Variants in PISD observed in about 807,000 individuals in gnomAD.
PISD encodes phosphatidylserine decarboxylase, also known as phosphatidylserine decarboxylase proenzyme, mitochondrial.
PISD carries 31 observed loss-of-function variants against 43.5 expected under a neutral mutation model. The observed-to-expected ratio is 0.71, with a 90% CI of 0.54 to 0.96. The LOEUF (loss-of-function observed/expected upper bound fraction) is 0.96, where lower values mean the gene tolerates loss of function less well. PISD is among the 40% of genes least tolerant of loss of function. The pLI is 0.00. For synonymous variants in PISD, 259 were observed against 228.7 expected (o/e 1.13, Z -1.20); for missense variants, 523 against 548.4 (o/e 0.95, Z 0.46).
chr22:31,650,495 T>C (rs1453089930), intron 2 of PISD, among the ~76,000 whole-genome samples: 1 of 149,598 alleles, frequency 6.7e-6, no homozygotes, highest in Non-Finnish European at 1.5e-5. Flanking sequence ...CATCATTGCA[T>C]TCCAGCCTGG....
intron 1 of PISD, among the ~76,000 whole-genome samples, chr22:31,653,538 C>G (rs1011132487): frequency 6.6e-6 from 1 of 152,216 alleles, no homozygotes; most frequent in East Asian, 1.9e-4. Context: ...CATCTTCCCC[C>G]TCAGGAACCC....
chr22:31,662,140 A>G lies in PISD; in HGVS notation c.65+4T>C, dbSNP rs981286983. The G allele has an allele frequency of 6.2e-7, 1 of 1,607,536 alleles. No homozygotes were observed. ...CCCAAGGTAGTCTCTCCGCGCTGCT[A>G]TACCTGCTCCGCCACGGCGCGACCC... On this transcript the variant is annotated splice_donor_region_variant and intron_variant, in intron 1 of 7. Transcript: ENST00000439502.
At chr22:31,662,319 CGG>C, upstream of PISD, 1 of 1,116,708 alleles carries the variant, frequency 9.0e-7, no homozygotes, top group South Asian at 1.2e-5. Context: ...GGGTTGGGGG[CGG>C]AGCCGACTAA....
At chr22:31,625,823 C>T (rs372084947) in intron 3 of PISD, 39 of 1,598,216 alleles carry the variant, frequency 2.4e-5, no homozygotes, top group African/African-American at 6.7e-5. Flanking sequence ...CATGGGCCGG[C>T]GCAGGGAGGG....
intron 3 of PISD, 50 bp downstream of exon 3, chr22:31,648,047 TGACA>T (rs1389466920): frequency 4.8e-6 from 7 of 1,464,364 alleles, no homozygotes; most frequent in Admixed American, 1.9e-5. Flanking sequence ...ACTGGAAAAG[TGACA>T]GACAAAGTTT....
rs189197622 is a variant in PISD, at chr22:31,620,845, C to T, written c.845-132G>A. 1.0e-4 allele frequency: 142 copies of T among 1,387,542 alleles called. No individual in the cohort carries two copies. In the African/African-American group the frequency reaches 1.4e-3, roughly 13 times the overall value. 86.0% of individuals were successfully genotyped at this position (1,387,542 alleles called of 1,614,324 possible). ...CAAATGCTGAGCTGACTGGGCCCCA[C>T]GGTCCCCTGCCCACAACCAGCCTGC... On this transcript the variant is annotated intron_variant, in intron 6 of 7. Transcript: ENST00000439502.
intron 3 of PISD, among the ~76,000 whole-genome samples, chr22:31,624,712 GAC>G (rs55946723): frequency 0.2 from 22,551 of 111,528 alleles, 2,226 homozygotes; most frequent in African/African-American, 0.26. Flanking sequence ...AGCAAAGGTG[GAC>G]ACACACACAC....
At chr22:31,622,773 G>A (rs1024132608) in intron 3 of PISD, among the ~76,000 whole-genome samples, 3 of 152,198 alleles carry the variant, frequency 2.0e-5, no homozygotes, top group Non-Finnish European at 4.4e-5. Context: ...AGAGCTCTCC[G>A]GCAGGGCCAG....
At chr22:31,650,130 A>C (rs2073992220) in intron 2 of PISD, among the ~76,000 whole-genome samples, 1 of 152,216 alleles carries the variant, frequency 6.6e-6, no homozygotes, top group Admixed American at 6.6e-5. Flanking sequence ...AGGGAAATGC[A>C]AATCAAAACC....
At chr22:31,637,509 A>T (rs1232414492) in intron 3 of PISD, among the ~76,000 whole-genome samples, 1 of 151,766 alleles carries the variant, frequency 6.6e-6, no homozygotes, top group Non-Finnish European at 1.5e-5. Context: ...CCTCCTCTGT[A>T]CTTCCTCCTG....
intron 1 of PISD, among the ~76,000 whole-genome samples, chr22:31,654,533 T>C (rs2074114345): frequency 6.6e-6 from 1 of 152,134 alleles, no homozygotes; most frequent in African/African-American, 2.4e-5. Flanking sequence ...TAACTCACCT[T>C]CAATCTGCTC....
intron 3 of PISD, among the ~76,000 whole-genome samples, chr22:31,622,292 G>A (rs1362400486): frequency 6.6e-6 from 1 of 152,162 alleles, no homozygotes; most frequent in Non-Finnish European, 1.5e-5. Flanking sequence ...TCTTGCCCGT[G>A]GTCACTGCCC....
chr22:31,647,332 C>A (rs888957817), intron 3 of PISD, among the ~76,000 whole-genome samples: 5 of 152,144 alleles, frequency 3.3e-5, no homozygotes, highest in Non-Finnish European at 5.9e-5. Context: ...CCCCAGTCAC[C>A]GTATGTCCTA....
Position 31,622,213 on chromosome 22 carries a change from T to A in PISD, c.322-328A>T, listed in dbSNP as rs1233649773. On this transcript the variant is annotated intron_variant, in intron 3 of 7. Coordinates refer to ENST00000439502, the MANE Select transcript of PISD (RefSeq NM_001326411.2). Reference sequence around the variant, plus strand: ...AAGTGGGGGTCGGAAACGGATCTGATCCTAACCACAGTGTGTGACCCTAGC... The same window carrying A: ...AAGTGGGGGTCGGAAACGGATCTGAACCTAACCACAGTGTGTGACCCTAGC... 2.0e-5 allele frequency among the ~76,000 whole-genome samples: 3 copies of A among 152,184 alleles called. No individual in the cohort carries two copies. The East Asian group carries it at 5.8e-4, about 29-fold the overall frequency.
At chr22:31,653,368 A>G (rs2074084327) in intron 1 of PISD, among the ~76,000 whole-genome samples, 1 of 152,148 alleles carries the variant, frequency 6.6e-6, no homozygotes, top group South Asian at 2.1e-4. Context: ...ACATTGCCGC[A>G]TTGTGTTTTC....
Position 31,662,146 on chromosome 22 carries a change from G to T in PISD, c.63C>A (p.Ser21Arg), listed in dbSNP as rs762443044. Reference protein sequence around the residue: ...GLLHGVAPWRSSLHPCEITAL... With the variant: ...GLLHGVAPWRRSLHPCEITAL... ...GTAGTCTCTCCGCGCTGCTATACCT[G>T]CTCCGCCACGGCGCGACCCCGTGCA... Residue 21 changes from serine (S) to arginine (R), a missense_variant and splice_region_variant, in exon 1 of 8, where the codon AGC becomes AGA. Transcript: ENST00000439502. 1 of 1,607,398 alleles carries T rather than the reference G, an allele frequency of 6.2e-7. No individual in the cohort carries two copies. The highest frequency in any genetic ancestry group is 8.5e-7 in the Non-Finnish European group (1 of 1,179,620).
chr22:31,662,025 C>G, intron 1 of PISD, 119 bp downstream of exon 1: 1 of 875,664 alleles, frequency 1.1e-6, no homozygotes, highest in South Asian at 1.4e-5. Flanking sequence ...GTGAAGGTGG[C>G]TCCGTCTCCA....
chr22:31,662,404 G>T, upstream of PISD: 3 of 598,596 alleles, frequency 5.0e-6, no homozygotes. Context: ...TGGAGCTGTA[G>T]GTTTCGCTAA....
rs1272073604 is a variant in PISD, at chr22:31,637,155, AAAAAAAAAAATATATATATAT to A, written c.321+10925_321+10945del. ...ATAATAAATAAATTAAAAAAAAAAAAAAAAAAAAAATATATATATATATATATATATATATATATATATATA... is the reference window on the plus strand; with the variant it reads ...ATAATAAATAAATTAAAAAAAAAAAAATATATATATATATATATATATATA... On this transcript the variant is annotated intron_variant, in intron 3 of 7. Coordinates refer to ENST00000439502, the MANE Select transcript of PISD (RefSeq NM_001326411.2). Among the ~76,000 whole-genome samples the A allele has an allele frequency of 1.7e-3, 76 of 44,796 alleles. 2 individuals carry two copies. Among genetic ancestry groups the A allele is most frequent in the East Asian group, 5.3e-3 (8 of 1,518 alleles). 29.4% of individuals were successfully genotyped at this position (44,796 alleles called of 152,430 possible).
Sources: allele counts gnomAD v4.1 joint callset (sites outside exome capture counted in the v4.1 genomes callset), GRCh38; gene constraint gnomAD v4.1.1; transcripts MANE v1.5; gene names NCBI Gene and HGNC (gene_info 2026-07-23, HGNC 2026-07-21).